MAGI2: variants seen among roughly 807,000 people sequenced by gnomAD.
MAGI2 encodes the protein membrane-associated guanylate kinase, WW and PDZ domain-containing protein 2.
A neutral mutation model predicts 133.3 loss-of-function variants in MAGI2; 35 were observed. The ratio of observed to expected loss-of-function variants is 0.26; its 90% CI spans 0.20 to 0.35. The LOEUF is 0.35. Among genes scored for constraint, MAGI2 ranks in the 10% least tolerant of loss-of-function variants. The probability of loss-of-function intolerance (pLI) is 1.00; values close to 1 mark genes in which losing one functional copy is unlikely to be tolerated. For synonymous variants in MAGI2, 729 were observed against 710.6 expected, an observed-to-expected ratio of 1.03 and a Z score of -0.41; for missense variants, 1,636 against 1,863.4, an observed-to-expected ratio of 0.88 and a Z score of 2.25.
chr7:78,972,851 G>A (rs1446222207), intron 2 of MAGI2, among the ~76,000 whole-genome samples: 2 of 151,620 alleles, frequency 1.3e-5, no homozygotes, highest in African/African-American at 4.8e-5. Flanking sequence ...CAGAGTAGGG[G>A]CATATGCTTA....
At chr7:78,645,690 T>C (rs1256216752) in intron 2 of MAGI2, among the ~76,000 whole-genome samples, 1 of 151,932 alleles carries the variant, frequency 6.6e-6, no homozygotes, top group Non-Finnish European at 1.5e-5. Flanking sequence ...ACGTGAAGTT[T>C]TTAAGTGTGT....
At chr7:78,784,794 A>C (rs1306938024) in intron 2 of MAGI2, among the ~76,000 whole-genome samples, 1 of 152,216 alleles carries the variant, frequency 6.6e-6, no homozygotes, top group Non-Finnish European at 1.5e-5. Flanking sequence ...TGCTGTGTCA[A>C]GTAAAGCTTT....
chr7:78,997,692 A>G (rs1003506060), intron 2 of MAGI2, among the ~76,000 whole-genome samples: 1 of 151,786 alleles, frequency 6.6e-6, no homozygotes, highest in African/African-American at 2.4e-5. Flanking sequence ...CCTTTTAATT[A>G]ATCTGTGTGA....
intron 8 of MAGI2, chr7:78,345,419 T>C (rs1024233052): frequency 2.6e-5 from 4 of 152,766 alleles, no homozygotes; most frequent in African/African-American, 9.7e-5. Context: ...TGTAGTCAGG[T>C]CCCGCAAGCA....
intron 21 of MAGI2, chr7:78,073,095 T>C: frequency 2.5e-6 from 1 of 396,474 alleles, no homozygotes; most frequent in African/African-American, 2.1e-5. Flanking sequence ...AGGAAGACTT[T>C]TAACTAAACA....
intron 1 of MAGI2, among the ~76,000 whole-genome samples, chr7:79,219,359 G>T (rs1830269469): frequency 6.6e-6 from 1 of 151,896 alleles, no homozygotes; most frequent in Non-Finnish European, 1.5e-5. Flanking sequence ...TCATTTTATA[G>T]AACAGCTACT....
chr7:78,990,369 C>G (rs115696572), intron 2 of MAGI2, among the ~76,000 whole-genome samples: 18 of 152,144 alleles, frequency 1.2e-4, no homozygotes, highest in African/African-American at 4.3e-4. Context: ...AAGTTTAAGA[C>G]CCTCTGTAAT....
intron 2 of MAGI2, among the ~76,000 whole-genome samples, chr7:78,854,919 C>T (rs1584160627): frequency 6.6e-6 from 1 of 151,868 alleles, no homozygotes. Flanking sequence ...TACAATAGTG[C>T]CATCTCGGCT....
rs1368730773 is a variant in MAGI2 at position 78,573,240 on chromosome 7, A to T, written c.539-51595T>A. Among the ~76,000 whole-genome samples, 8 of 46,780 alleles carry T rather than the reference A, an allele frequency of 1.7e-4. 1 individual carries two copies. The highest frequency in any genetic ancestry group is 6.8e-4 in the South Asian group (1 of 1,476). 30.7% of individuals were successfully genotyped at this position (46,780 alleles called of 152,430 possible). A position where few individuals can be genotyped will look rare whatever the true frequency, so the allele number is the denominator to read the frequency against. On this transcript the variant is annotated intron_variant, in intron 3 of 21. Coordinates refer to ENST00000354212, the MANE Select transcript of MAGI2 (RefSeq NM_012301.4). ...TAAATATATATAAATATAAATATAT[A>T]TATATAAATATATATAAATATAAAT...
chr7:78,367,521 G>A (rs762822653), intron 7 of MAGI2, among the ~76,000 whole-genome samples: 16 of 152,196 alleles, frequency 1.1e-4, no homozygotes, highest in Non-Finnish European at 4.4e-5. Flanking sequence ...TTGCTTTCAA[G>A]CTACAACAGC....
chr7:79,201,654 G>T (rs1357317296), intron 1 of MAGI2, among the ~76,000 whole-genome samples: 1 of 151,606 alleles, frequency 6.6e-6, no homozygotes, highest in Non-Finnish European at 1.5e-5. Context: ...AAGAAGTTTG[G>T]GTTTGTTAAC....
intron 1 of MAGI2, among the ~76,000 whole-genome samples, chr7:79,167,827 C>CAA (rs1825096928): frequency 6.6e-6 from 1 of 152,070 alleles, no homozygotes; most frequent in African/African-American, 2.4e-5. Flanking sequence ...TGGCCATAAA[C>CAA]AAAATCTCTG....
At chr7:78,034,002 T>C (rs1476354153) in intron 21 of MAGI2, among the ~76,000 whole-genome samples, 1 of 152,170 alleles carries the variant, frequency 6.6e-6, no homozygotes, top group African/African-American at 2.4e-5. Context: ...ACAAATAAAC[T>C]ACATGTGGAT....
intron 1 of MAGI2, among the ~76,000 whole-genome samples, chr7:79,169,837 G>A (rs1825340292): frequency 6.6e-6 from 1 of 151,996 alleles, no homozygotes. Context: ...AAATTTGCAG[G>A]AGGGGTGATT....
intron 2 of MAGI2, among the ~76,000 whole-genome samples, chr7:78,892,720 A>T (rs951460919): frequency 6.6e-6 from 1 of 152,212 alleles, no homozygotes; most frequent in African/African-American, 2.4e-5. Context: ...CCTTACACAA[A>T]AATTAATTCA....
chr7:78,169,611 C>G (rs1312009529), intron 14 of MAGI2, among the ~76,000 whole-genome samples: 1 of 152,226 alleles, frequency 6.6e-6, no homozygotes, highest in Non-Finnish European at 1.5e-5. Context: ...GAATAGCTCT[C>G]TTTCTACATA....
At chr7:79,269,173 T>C (rs535035400) in intron 1 of MAGI2, among the ~76,000 whole-genome samples, 71 of 152,290 alleles carry the variant, frequency 4.7e-4, no homozygotes, top group South Asian at 2.9e-3. Flanking sequence ...CTCCGCTTTT[T>C]GAGAACAGCT....
chr7:78,517,511 G>C (rs1346110876), intron 4 of MAGI2, among the ~76,000 whole-genome samples: 1 of 152,060 alleles, frequency 6.6e-6, no homozygotes, highest in Non-Finnish European at 1.5e-5. Context: ...CAAAATTTCA[G>C]TATCTCATTC....
At chr7:78,666,140 T>A (rs1484830636) in intron 2 of MAGI2, among the ~76,000 whole-genome samples, 1 of 152,202 alleles carries the variant, frequency 6.6e-6, no homozygotes, top group African/African-American at 2.4e-5. Flanking sequence ...ATAGTACACC[T>A]GTTTGGAACT....
Sources: allele counts gnomAD v4.1 joint callset (sites outside exome capture counted in the v4.1 genomes callset), GRCh38; gene constraint gnomAD v4.1.1; transcripts MANE v1.5; gene names NCBI Gene and HGNC (gene_info 2026-07-23, HGNC 2026-07-21).